CPA6: variants seen among roughly 807,000 people sequenced by gnomAD.
The protein encoded by CPA6 is carboxypeptidase B.
In CPA6, 58 loss-of-function variants were observed where a neutral mutation model predicts 63.3. The observed-to-expected ratio is 0.92, with a 90% CI of 0.74 to 1.14. The LOEUF (loss-of-function observed/expected upper bound fraction) is 1.14. Ranked by LOEUF, CPA6 falls within the 50% of genes most tolerant of loss-of-function variation. The probability of loss-of-function intolerance (pLI) is 0.00; values close to 1 mark genes in which losing one functional copy is unlikely to be tolerated. For missense variants in CPA6, 565 were observed against 526.6 expected (o/e 1.07, Z -0.71); for synonymous variants, 185 against 179.0 (o/e 1.03, Z -0.27).
intron 6 of CPA6, among the ~76,000 whole-genome samples, chr8:67,488,558 A>C (rs1310633267): frequency 6.6e-6 from 1 of 152,134 alleles, no homozygotes; most frequent in Non-Finnish European, 1.5e-5. Context: ...TTCCATATGA[A>C]CTTCAAAGTA....
At chr8:67,520,824 G>C (rs1339744684) in intron 2 of CPA6, among the ~76,000 whole-genome samples, 2 of 152,168 alleles carry the variant, frequency 1.3e-5, no homozygotes, top group Non-Finnish European at 2.9e-5. Context: ...ATGTCTTCAG[G>C]ATCTTCCGAG....
Position 67,587,892 on chromosome 8 carries a change from C to T in CPA6, c.192+36284G>A, listed in dbSNP as rs140474506. Reference sequence around the variant, plus strand: ...TACTAGTGTGGCTCCTCAAATTAAACGCATTAGTAGGTGTCCAGCTGTAAT... The same window carrying T: ...TACTAGTGTGGCTCCTCAAATTAAATGCATTAGTAGGTGTCCAGCTGTAAT... On this transcript the variant is annotated intron_variant, in intron 2 of 10. Coordinates refer to ENST00000297770, the MANE Select transcript of CPA6 (RefSeq NM_020361.5). Among the ~76,000 whole-genome samples, 450 of 152,236 alleles carry T rather than the reference C, an allele frequency of 3.0e-3. 1 individual carries two copies. Among genetic ancestry groups the T allele is most frequent in the African/African-American group, 9.8e-3 (408 of 41,524 alleles).
intron 8 of CPA6, among the ~76,000 whole-genome samples, chr8:67,471,590 A>C (rs1430239499): frequency 6.6e-6 from 1 of 152,116 alleles, no homozygotes; most frequent in African/African-American, 2.4e-5. Flanking sequence ...GAGTTTGGGA[A>C]ATGCTGTTCT....
Position 67,713,097 on chromosome 8 carries a change from G to GTATA in CPA6, c.116+32916_116+32917insTATA, listed in dbSNP as rs1172040978. On this transcript the variant is annotated intron_variant, in intron 1 of 10. Transcript: ENST00000297770. ...TCTGTGTGTGTATGTGTGTGTGTGT[G>GTATA]TGTATATATATATATATATATATAT... Among the ~76,000 whole-genome samples the GTATA allele has an allele frequency of 3.4e-3, 202 of 60,174 alleles. 1 individual carries two copies. The highest frequency in any genetic ancestry group is 7.7e-3 in the African/African-American group (127 of 16,394). 39.5% of individuals were successfully genotyped at this position (60,174 alleles called of 152,430 possible).
At chr8:67,713,892 T>C (rs1459962442) in intron 1 of CPA6, among the ~76,000 whole-genome samples, 1 of 152,254 alleles carries the variant, frequency 6.6e-6, no homozygotes, top group Admixed American at 6.5e-5. Context: ...CTATTTACTT[T>C]CTGCTTTTCT....
chr8:67,671,494 G>T (rs575742473), intron 1 of CPA6, among the ~76,000 whole-genome samples: 402 of 152,248 alleles, frequency 2.6e-3, no homozygotes, highest in African/African-American at 9.3e-3. Context: ...AGATACCTAA[G>T]CTATAAAAAT....
intron 1 of CPA6, among the ~76,000 whole-genome samples, chr8:67,702,358 C>T (rs951075266): frequency 6.6e-6 from 1 of 152,112 alleles, no homozygotes; most frequent in African/African-American, 2.4e-5. Flanking sequence ...CCTCATGATC[C>T]CATGTAGCTT....
chr8:67,613,591 C>A (rs1814865252), intron 2 of CPA6, among the ~76,000 whole-genome samples: 2 of 152,200 alleles, frequency 1.3e-5, no homozygotes, highest in Admixed American at 1.3e-4. Flanking sequence ...TGGTTCCCTA[C>A]TTTACAGATC....
intron 2 of CPA6, among the ~76,000 whole-genome samples, chr8:67,585,160 C>T (rs758756904): frequency 3.9e-5 from 6 of 151,900 alleles, no homozygotes; most frequent in Admixed American, 6.6e-5. Context: ...GAAGTAGTCT[C>T]GTTTGAAGCT....
At chr8:67,476,979 C>T (rs550652029) in intron 8 of CPA6, among the ~76,000 whole-genome samples, 4 of 152,022 alleles carry the variant, frequency 2.6e-5, no homozygotes, top group African/African-American at 4.8e-5. Flanking sequence ...ATTCTAGGTC[C>T]TTAACTTCCT....
intron 1 of CPA6, among the ~76,000 whole-genome samples, chr8:67,681,436 C>T (rs1194900585): frequency 1.3e-5 from 2 of 151,506 alleles, no homozygotes; most frequent in African/African-American, 4.9e-5. Context: ...GTCTCGATCT[C>T]CTGACCTCAT....
chr8:67,475,823 T>TTTC (rs1554666526), intron 8 of CPA6, among the ~76,000 whole-genome samples: 57 of 45,950 alleles, frequency 1.2e-3, no homozygotes, highest in African/African-American at 1.9e-3. Context: ...CTTTCCTTTC[T>TTTC]TTTCTTTCTT....
rs562715801 is a variant in CPA6, at chr8:67,435,934, C to T, written c.839-1694G>A. Among the ~76,000 whole-genome samples the T allele has an allele frequency of 4.0e-3, 606 of 151,542 alleles. 8 individuals are homozygous for T. Among genetic ancestry groups the T allele is most frequent in the African/African-American group, 0.014 (572 of 40,900 alleles). ...CATGGTCTCAGGGCCCCCTTAGGGCCCCCTACCCCACTGATAGCTTCCTCC... is the reference window on the plus strand; with the variant it reads ...CATGGTCTCAGGGCCCCCTTAGGGCTCCCTACCCCACTGATAGCTTCCTCC... On this transcript the variant is annotated intron_variant, in intron 8 of 10. Transcript: ENST00000297770.
At chr8:67,515,503 C>T (rs945894463) in intron 3 of CPA6, among the ~76,000 whole-genome samples, 3 of 152,196 alleles carry the variant, frequency 2.0e-5, no homozygotes, top group Non-Finnish European at 1.5e-5. Flanking sequence ...CTCCACCTGC[C>T]TACCGTGGGG....
intron 2 of CPA6, among the ~76,000 whole-genome samples, chr8:67,582,560 C>G (rs556840122): frequency 6.6e-6 from 1 of 152,194 alleles, no homozygotes; most frequent in Admixed American, 6.5e-5. Flanking sequence ...ATGAATAGCC[C>G]TGTTATGAAT....
At chr8:67,625,700 T>C (rs1449802186) in intron 1 of CPA6, among the ~76,000 whole-genome samples, 2 of 152,200 alleles carry the variant, frequency 1.3e-5, no homozygotes, top group East Asian at 1.9e-4. Context: ...TAACTCTCTA[T>C]GGCATTTTAC....
chr8:67,458,451 G>A (rs944219633), intron 8 of CPA6, among the ~76,000 whole-genome samples: 22 of 152,204 alleles, frequency 1.4e-4, no homozygotes, highest in Non-Finnish European at 7.3e-5. Flanking sequence ...ACCGGCCTTG[G>A]CCTCCCAAAG....
chr8:67,497,413 C>T (rs1347178900), intron 6 of CPA6, among the ~76,000 whole-genome samples: 3 of 152,198 alleles, frequency 2.0e-5, no homozygotes, highest in Admixed American at 1.3e-4. Context: ...AGGTCCATCA[C>T]TGCTGTATCT....
chr8:67,572,381 A>T (rs1327467400), intron 2 of CPA6, among the ~76,000 whole-genome samples: 2 of 152,188 alleles, frequency 1.3e-5, no homozygotes, highest in Non-Finnish European at 2.9e-5. Flanking sequence ...GACTGGGCTA[A>T]TTCCCACAAG....
Sources: allele counts gnomAD v4.1 joint callset (sites outside exome capture counted in the v4.1 genomes callset), GRCh38; gene constraint gnomAD v4.1.1; transcripts MANE v1.5; gene names NCBI Gene and HGNC (gene_info 2026-07-23, HGNC 2026-07-21).